Variants in AKAP7 observed in about 807,000 individuals in gnomAD.
AKAP7 encodes A kinase (PRKA) anchor protein 7.
A neutral mutation model predicts 39.5 loss-of-function variants in AKAP7; 39 were observed. That is an observed-to-expected ratio of 0.99 (90% confidence interval 0.76 to 1.29). The LOEUF (loss-of-function observed/expected upper bound fraction) is 1.29, where lower values mean the gene tolerates loss of function less well. Ranked by LOEUF, AKAP7 falls within the 50% of genes most tolerant of loss-of-function variation. The pLI is 0.00. For synonymous variants in AKAP7, 140 were observed against 139.1 expected (o/e 1.01, Z -0.05); for missense variants, 414 against 407.7 (o/e 1.02, Z -0.13).
intron 7 of AKAP7, among the ~76,000 whole-genome samples, chr6:131,266,350 CAT>C (rs1813798965): frequency 6.6e-6 from 1 of 152,112 alleles, no homozygotes; most frequent in African/African-American, 2.4e-5. Flanking sequence ...AGTTCGTGCA[CAT>C]GTGAAGATCA....
rs1805649014 is a variant in AKAP7 at position 131,184,737 on chromosome 6, A to G, written c.590-14724A>G. ...GACCCTTTTTGGATTTCTGTTCCTCAGACCTCTGGGAAACAGGAGTGGGTG... is the reference window on the plus strand; with the variant it reads ...GACCCTTTTTGGATTTCTGTTCCTCGGACCTCTGGGAAACAGGAGTGGGTG... On this transcript the variant is annotated intron_variant, in intron 5 of 7. Coordinates refer to ENST00000431975, the MANE Select transcript of AKAP7 (RefSeq NM_016377.4). The G allele has an allele frequency of 4.2e-6, 4 of 957,724 alleles. No homozygotes were observed. In the East Asian group the frequency reaches 7.2e-5, roughly 17 times the overall value. 59.3% of individuals were successfully genotyped at this position (957,724 alleles called of 1,614,324 possible).
chr6:131,257,196 A>G (rs930688113), intron 7 of AKAP7, among the ~76,000 whole-genome samples: 4 of 152,028 alleles, frequency 2.6e-5, no homozygotes, highest in Non-Finnish European at 5.9e-5. Context: ...TTTGCAGCAA[A>G]TAGTGTGTTA....
chr6:131,228,709 T>C (rs1810396022), intron 7 of AKAP7, among the ~76,000 whole-genome samples: 1 of 152,128 alleles, frequency 6.6e-6, no homozygotes, highest in South Asian at 2.1e-4. Flanking sequence ...CATGGATCCC[T>C]GGTGGTCCTT....
chr6:131,133,402 C>T (rs1035017033), upstream of AKAP7, among the ~76,000 whole-genome samples: 25 of 152,276 alleles, frequency 1.6e-4, no homozygotes, highest in African/African-American at 6.0e-4. Flanking sequence ...TTTGTCTTTG[C>T]TTTTTGGCAC....
intron 7 of AKAP7, chr6:131,250,583 T>C (rs759877958): frequency 1.2e-6 from 2 of 1,614,070 alleles, no homozygotes; most frequent in South Asian, 2.2e-5. Flanking sequence ...CCAGCTTTGC[T>C]GCTTTCCTTT....
rs760118946 is a variant in AKAP7, at chr6:131,165,209, A to G, written c.420A>G (p.Glu140=). The G allele has an allele frequency of 7.5e-6, 12 of 1,605,038 alleles. No individual in the cohort carries two copies. The Admixed American group carries it at 1.9e-4, about 25-fold the overall frequency. Residue 140 remains glutamate (E), a synonymous_variant, in exon 4 of 8, where the codon GAA becomes GAG. Transcript: ENST00000431975. The stretch of plus-strand genomic sequence containing the variant: ...TGATGCAATTATTAAATGAAGATGA[A>G]GTAAACATGTGAGTAATGTATCTTT... ...LLVMQLLNED[E]VNIGIDALLE...
chr6:131,178,637 C>T (rs1390330876), intron 5 of AKAP7, among the ~76,000 whole-genome samples: 1 of 152,170 alleles, frequency 6.6e-6, no homozygotes, highest in Non-Finnish European at 1.5e-5. Context: ...CTCACCCAGG[C>T]TTGGCCTCTT....
At chr6:131,213,818 A>G (rs998837085) in intron 6 of AKAP7, among the ~76,000 whole-genome samples, 4 of 152,204 alleles carry the variant, frequency 2.6e-5, no homozygotes, top group South Asian at 2.1e-4. Flanking sequence ...TAGACAAACA[A>G]TGAGCTTACG....
At chr6:131,188,374 T>C (rs1806073795) in intron 5 of AKAP7, among the ~76,000 whole-genome samples, 1 of 152,196 alleles carries the variant, frequency 6.6e-6, no homozygotes, top group African/African-American at 2.4e-5. Flanking sequence ...TCTTTAAAGT[T>C]TCAGGTGACG....
At chr6:131,212,299 G>A (rs1442626101) in intron 6 of AKAP7, among the ~76,000 whole-genome samples, 1 of 152,186 alleles carries the variant, frequency 6.6e-6, no homozygotes, top group Non-Finnish European at 1.5e-5. Context: ...AGCCATGTGT[G>A]TCATACTTAG....
At chr6:131,190,015 G>T (rs534590803) in intron 5 of AKAP7, among the ~76,000 whole-genome samples, 14 of 152,252 alleles carry the variant, frequency 9.2e-5, no homozygotes, top group African/African-American at 3.1e-4. Flanking sequence ...GATGAAAAAT[G>T]ACATGTAGGT....
chr6:131,244,769 C>A (rs1214092786), intron 7 of AKAP7, among the ~76,000 whole-genome samples: 1 of 152,138 alleles, frequency 6.6e-6, no homozygotes, highest in African/African-American at 2.4e-5. Context: ...CTACTTGTTT[C>A]TTCCCCTTTC....
At chr6:131,219,625 A>T in intron 6 of AKAP7, 36 bp from the exon 7 acceptor site, 5 of 1,563,214 alleles carry the variant, frequency 3.2e-6, no homozygotes, top group Non-Finnish European at 4.3e-6. Context: ...GCATGGGTGA[A>T]ATGATTGATT....
intron 6 of AKAP7, among the ~76,000 whole-genome samples, chr6:131,213,256 T>G (rs1465925360): frequency 6.6e-6 from 1 of 152,232 alleles, no homozygotes; most frequent in Non-Finnish European, 1.5e-5. Flanking sequence ...AGTGTTGACG[T>G]TTTTTATACC....
intron 7 of AKAP7, among the ~76,000 whole-genome samples, chr6:131,263,383 C>T (rs1447564803): frequency 2.0e-5 from 3 of 152,138 alleles, no homozygotes; most frequent in Admixed American, 6.6e-5. Flanking sequence ...TTCTGGAGAA[C>T]ACCCTTACTG....
intron 1 of AKAP7, among the ~76,000 whole-genome samples, chr6:131,137,183 G>C (rs1307456450): frequency 6.6e-6 from 1 of 151,410 alleles, no homozygotes; most frequent in Non-Finnish European, 1.5e-5. Context: ...ACCAAGGCTT[G>C]AACTCCTGGG....
At chr6:131,201,227 G>A (rs940387556) in intron 6 of AKAP7, among the ~76,000 whole-genome samples, 2 of 152,050 alleles carry the variant, frequency 1.3e-5, no homozygotes, top group African/African-American at 4.8e-5. Context: ...TCCAGTTCAC[G>A]CAGAGTCATT....
intron 7 of AKAP7, among the ~76,000 whole-genome samples, chr6:131,279,721 C>G (rs1467276569): frequency 6.6e-6 from 1 of 152,156 alleles, no homozygotes; most frequent in Non-Finnish European, 1.5e-5. Context: ...TGTCATCTTG[C>G]TGATGAGAAA....
At chr6:131,252,970 A>G in intron 7 of AKAP7, 1 of 1,554,330 alleles carries the variant, frequency 6.4e-7, no homozygotes, top group Non-Finnish European at 8.9e-7. Flanking sequence ...AGGTAGCCCA[A>G]ATTATGGAGA....
Sources: gnomAD v4.1 joint callset for allele counts (sites outside exome capture counted in the v4.1 genomes callset) on GRCh38, gnomAD v4.1.1 for gene constraint, MANE v1.5 for transcripts, NCBI Gene and HGNC (gene_info 2026-07-23, HGNC 2026-07-21) for gene names.